UTP6: variants seen among roughly 807,000 people sequenced by gnomAD.
UTP6 encodes the protein UTP6 small subunit processome component, also known as U3 small nucleolar RNA-associated protein 6 homolog.
In UTP6, 60 loss-of-function variants were observed where a neutral mutation model predicts 96.5. The ratio of observed to expected loss-of-function variants is 0.62; its 90% CI spans 0.51 to 0.77. The LOEUF (loss-of-function observed/expected upper bound fraction) is 0.77, where lower values mean the gene tolerates loss of function less well. Ranked by LOEUF, UTP6 falls within the 30% of genes least tolerant of loss-of-function variation. The pLI is 0.00. For missense variants in UTP6, 637 were observed against 706.5 expected (o/e 0.90, Z 1.12); for synonymous variants, 215 against 240.1 (o/e 0.90, Z 0.96).
chr17:31,895,690 T>C (rs1304898697), intron 2 of UTP6, among the ~76,000 whole-genome samples: 3 of 151,756 alleles, frequency 2.0e-5, no homozygotes, highest in African/African-American at 7.3e-5. Context: ...CCTGCCACCA[T>C]GCCCGGCTAA....
intron 18 of UTP6, among the ~76,000 whole-genome samples, chr17:31,864,124 C>T (rs1909684028): frequency 6.6e-6 from 1 of 152,126 alleles, no homozygotes; most frequent in Non-Finnish European, 1.5e-5. Context: ...GTGGTTCACA[C>T]CTGTAATCCC....
chr17:31,875,496 G>A, intron 13 of UTP6, 83 bp from the exon 14 acceptor site: 3 of 1,470,088 alleles, frequency 2.0e-6, no homozygotes, highest in Non-Finnish European at 2.8e-6. Context: ...CCTCATTTGA[G>A]GCAAGAATTT....
rs1442191492 is a variant in UTP6 at position 31,892,733 on chromosome 17, A to T, written c.360+14T>A. 2 of 1,614,112 alleles carry T rather than the reference A, an allele frequency of 1.2e-6. No individual in the cohort carries two copies. Among genetic ancestry groups the T allele is most frequent in the South Asian group, 2.2e-5 (2 of 91,080 alleles). ...GACGGTCAGAGGAAGCAAGACATGC[A>T]TGGCTTTACTCACCCACTTCTTACA... On this transcript the variant is annotated intron_variant, in intron 5 of 18. Coordinates refer to ENST00000261708, the MANE Select transcript of UTP6 (RefSeq NM_018428.3).
At chr17:31,886,183 T>C in intron 8 of UTP6, 122 bp from the exon 9 acceptor site, 1 of 722,714 alleles carries the variant, frequency 1.4e-6, no homozygotes, top group East Asian at 2.6e-5. Context: ...TGTCTCTCTC[T>C]CCGGGCCAGT....
At chr17:31,884,360 A>C in intron 10 of UTP6, 64 bp downstream of exon 10, 1 of 1,324,772 alleles carries the variant, frequency 7.5e-7, no homozygotes, top group Non-Finnish European at 1.0e-6. Context: ...TAAATATCCA[A>C]CCTCAAACCC....
chr17:31,889,428 T>G (rs770832737), intron 6 of UTP6, 25 bp from the exon 7 acceptor site: 2 of 1,557,530 alleles, frequency 1.3e-6, no homozygotes, highest in African/African-American at 1.4e-5. Context: ...CCATCAGATT[T>G]CATTTCAATA....
intron 17 of UTP6, among the ~76,000 whole-genome samples, chr17:31,867,792 C>T (rs762668948): frequency 6.6e-6 from 1 of 151,962 alleles, no homozygotes; most frequent in Non-Finnish European, 1.5e-5. Flanking sequence ...CCCATCTCTA[C>T]TAAAAATACA....
intron 17 of UTP6, among the ~76,000 whole-genome samples, chr17:31,866,976 A>T (rs979415168): frequency 2.7e-5 from 4 of 150,366 alleles, no homozygotes; most frequent in Non-Finnish European, 4.4e-5. Flanking sequence ...TTAATGGCTC[A>T]TATGTGCACG....
rs750286373 is a variant in UTP6 at position 31,878,245 on chromosome 17, C to T, written c.1125+5G>A. The T allele has an allele frequency of 4.3e-6, 7 of 1,613,844 alleles. No homozygotes were observed. Among genetic ancestry groups the T allele is most frequent in the Non-Finnish European group, 5.9e-6 (7 of 1,179,900 alleles). ...TGGCACAGAATATTTTCTCTATGTT[C>T]TTACCAACTGCTTGTATTGGCATTC... On this transcript the variant is annotated splice_donor_5th_base_variant and intron_variant, in intron 13 of 18. Coordinates refer to ENST00000261708, the MANE Select transcript of UTP6 (RefSeq NM_018428.3).
At chr17:31,864,636 T>G (rs1487171490) in intron 18 of UTP6, among the ~76,000 whole-genome samples, 1 of 152,170 alleles carries the variant, frequency 6.6e-6, no homozygotes, top group Non-Finnish European at 1.5e-5. Context: ...TTGGTTTTTG[T>G]TTTTGAGACA....
intron 15 of UTP6, 83 bp downstream of exon 15, chr17:31,873,590 C>T (rs774423500): frequency 2.5e-5 from 40 of 1,602,034 alleles, no homozygotes; most frequent in African/African-American, 5.4e-5. Context: ...GTGCTTTAGG[C>T]GCACCTGCAA....
At chr17:31,882,843 T>A (rs1004714427) in intron 10 of UTP6, among the ~76,000 whole-genome samples, 22 of 151,864 alleles carry the variant, frequency 1.4e-4, no homozygotes, top group African/African-American at 5.3e-4. Context: ...TGGGGTGCAG[T>A]GATGCAATAA....
rs1904372758 is a variant in UTP6, at chr17:31,892,375, T to G, written c.361-52A>C. 4.5e-6 allele frequency: 7 copies of G among 1,547,056 alleles called. No homozygotes were observed. The East Asian group carries it at 1.6e-4, about 35-fold the overall frequency. ...TCCTGCACAGATAAATCATTGATCT[T>G]ACTCTCTAAGTAATATGTACCCTAA... On this transcript the variant is annotated intron_variant, in intron 5 of 18. Transcript: ENST00000261708.
chr17:31,900,863 C>G (rs1290428256), intron 1 of UTP6, among the ~76,000 whole-genome samples: 1 of 152,142 alleles, frequency 6.6e-6, no homozygotes, highest in African/African-American at 2.4e-5. Flanking sequence ...TAACATTAAC[C>G]TTAACTGAGC....
intron 16 of UTP6, among the ~76,000 whole-genome samples, chr17:31,871,568 C>T (rs1910172623): frequency 2.0e-5 from 3 of 152,114 alleles, no homozygotes; most frequent in South Asian, 4.2e-4. Context: ...AGCAACAAGG[C>T]GAGACCCTGA....
intron 17 of UTP6, 78 bp from the exon 18 acceptor site, chr17:31,865,516 G>A: frequency 7.3e-7 from 1 of 1,377,418 alleles, no homozygotes; most frequent in Non-Finnish European, 1.0e-6. Context: ...TTGTTAAGCA[G>A]CTACTGTCTG....
At chr17:31,882,989 T>C (rs1021312205) in intron 10 of UTP6, among the ~76,000 whole-genome samples, 5 of 152,034 alleles carry the variant, frequency 3.3e-5, no homozygotes, top group Admixed American at 2.6e-4. Flanking sequence ...GGTCTCGCCA[T>C]GTTGCCGAAG....
intron 8 of UTP6, chr17:31,886,770 T>C (rs991158682): frequency 6.5e-6 from 1 of 152,806 alleles, no homozygotes; most frequent in Non-Finnish European, 1.5e-5. Context: ...TAAAAAATTA[T>C]ATAAAAAGGG....
At chr17:31,880,427 A>AAAT in intron 11 of UTP6, 146 bp downstream of exon 11, 1 of 400,860 alleles carries the variant, frequency 2.5e-6, no homozygotes, top group Non-Finnish European at 3.6e-6. Flanking sequence ...CCTCCCAATA[A>AAAT]AAAAAAAAAA....
Sources: allele counts gnomAD v4.1 joint callset (sites outside exome capture counted in the v4.1 genomes callset), GRCh38; gene constraint gnomAD v4.1.1; transcripts MANE v1.5; gene names NCBI Gene and HGNC (gene_info 2026-07-23, HGNC 2026-07-21).